CNTN3: variants seen among roughly 807,000 people sequenced by gnomAD.
CNTN3 encodes contactin-3.
A neutral mutation model predicts 119.1 loss-of-function variants in CNTN3; 60 were observed. The observed-to-expected ratio is 0.50, with a 90% CI of 0.41 to 0.62. CNTN3 has a LOEUF of 0.62. Among genes scored for constraint, CNTN3 ranks in the 20% least tolerant of loss-of-function variants. The pLI, the probability that CNTN3 is intolerant of heterozygous loss-of-function variation, is 0.00. For missense variants in CNTN3, 1,101 were observed against 1,242.4 expected (o/e 0.89, Z 1.71); for synonymous variants, 450 against 438.7 (o/e 1.03, Z -0.32).
chr3:74,448,046 A>G (rs1468317660), intron 4 of CNTN3, among the ~76,000 whole-genome samples: 1 of 152,168 alleles, frequency 6.6e-6, no homozygotes, highest in African/African-American at 2.4e-5. Flanking sequence ...AAGATTTTCC[A>G]GGTTAAAGCT....
At chr3:74,592,474 AACACAC>A (rs747459006) in intron 1 of CNTN3, among the ~76,000 whole-genome samples, 5 of 143,996 alleles carry the variant, frequency 3.5e-5, no homozygotes, top group African/African-American at 1.4e-4. Flanking sequence ...AACAGAATGA[AACACAC>A]ACACACACAC....
At chr3:74,465,303 A>G (rs1003767896) in intron 4 of CNTN3, among the ~76,000 whole-genome samples, 2 of 152,208 alleles carry the variant, frequency 1.3e-5, no homozygotes, top group Non-Finnish European at 2.9e-5. Context: ...TATCGTGCGG[A>G]CAGGTAGAAG....
At chr3:74,435,162 T>G (rs2106916977) in intron 4 of CNTN3, among the ~76,000 whole-genome samples, 1 of 152,302 alleles carries the variant, frequency 6.6e-6, no homozygotes, top group East Asian at 1.9e-4. Flanking sequence ...ATATTAATTT[T>G]ACTGGAACGA....
chr3:74,355,117 A>G (rs990764472), intron 11 of CNTN3, among the ~76,000 whole-genome samples: 5 of 152,036 alleles, frequency 3.3e-5, no homozygotes, highest in African/African-American at 1.2e-4. Flanking sequence ...AACTCAACCA[A>G]TCCCAAACTG....
At chr3:74,264,633 G>C in intron 22 of CNTN3, 132 bp from the exon 23 acceptor site, 1 of 502,016 alleles carries the variant, frequency 2.0e-6, no homozygotes, top group Non-Finnish European at 3.5e-6. Flanking sequence ...CAGAGTATTA[G>C]GAGGTGAGGG....
intron 1 of CNTN3, among the ~76,000 whole-genome samples, chr3:74,565,278 T>C (rs1259568550): frequency 6.6e-6 from 1 of 152,116 alleles, no homozygotes; most frequent in Non-Finnish European, 1.5e-5. Flanking sequence ...GGAAAATCTG[T>C]TTCCTTGTCT....
chr3:74,567,750 T>C (rs913044284), intron 1 of CNTN3, among the ~76,000 whole-genome samples: 1 of 152,106 alleles, frequency 6.6e-6, no homozygotes, highest in African/African-American at 2.4e-5. Context: ...ATGGAGGAGA[T>C]ACACAGTTAA....
intron 20 of CNTN3, among the ~76,000 whole-genome samples, chr3:74,283,727 T>A (rs185208085): frequency 2.8e-4 from 42 of 152,316 alleles, no homozygotes; most frequent in African/African-American, 8.2e-4. Context: ...AATATATAAA[T>A]AATGATGTAT....
intron 3 of CNTN3, among the ~76,000 whole-genome samples, chr3:74,492,955 T>C (rs1315773768): frequency 1.3e-5 from 2 of 152,140 alleles, no homozygotes; most frequent in East Asian, 1.9e-4. Context: ...CAGGGACTAA[T>C]AGAAGTTTCT....
At chr3:74,603,059 A>C (rs987879086) in intron 1 of CNTN3, among the ~76,000 whole-genome samples, 7 of 152,158 alleles carry the variant, frequency 4.6e-5, no homozygotes, top group Non-Finnish European at 1.0e-4. Context: ...TCCTTACTCC[A>C]GGGCTGGGAT....
intron 5 of CNTN3, among the ~76,000 whole-genome samples, chr3:74,406,406 C>A (rs538153246): frequency 2.6e-5 from 4 of 151,862 alleles, no homozygotes; most frequent in Non-Finnish European, 5.9e-5. Context: ...AATAAATAGA[C>A]CAAAATGAGG....
chr3:74,344,397 GT>G (rs1156579949), intron 11 of CNTN3, among the ~76,000 whole-genome samples: 1 of 32,568 alleles, frequency 3.1e-5, no homozygotes, highest in African/African-American at 8.5e-5. Flanking sequence ...TTACACAGTG[GT>G]TTTTTTTTTT....
chr3:74,339,660 C>T (rs942063911), intron 11 of CNTN3, among the ~76,000 whole-genome samples: 9 of 152,070 alleles, frequency 5.9e-5, no homozygotes, highest in Non-Finnish European at 1.0e-4. Flanking sequence ...AGCTCACTCA[C>T]CACTAAATTT....
intron 2 of CNTN3, among the ~76,000 whole-genome samples, chr3:74,511,537 G>A (rs1172287793): frequency 6.6e-6 from 1 of 151,976 alleles, no homozygotes; most frequent in Non-Finnish European, 1.5e-5. Flanking sequence ...CTGGCGTGGT[G>A]GTGTGCCTGT....
chr3:74,366,780 G>GTACATATATATATATATA (rs1704202507), intron 8 of CNTN3, among the ~76,000 whole-genome samples: 1 of 63,714 alleles, frequency 1.6e-5, no homozygotes, highest in East Asian at 5.5e-4. Context: ...GTGTGTGTGT[G>GTACATATATATATATATA]TATATATATA....
intron 4 of CNTN3, among the ~76,000 whole-genome samples, chr3:74,452,505 A>G (rs1702178644): frequency 6.8e-6 from 1 of 147,898 alleles, no homozygotes; most frequent in Non-Finnish European, 1.5e-5. Flanking sequence ...AATACCCTTT[A>G]TTTCCTTCTC....
chr3:74,272,519 G>T (rs968904732), intron 20 of CNTN3, among the ~76,000 whole-genome samples: 1 of 152,070 alleles, frequency 6.6e-6, no homozygotes, highest in Non-Finnish European at 1.5e-5. Flanking sequence ...CCCATAGATG[G>T]GGGAAAAAAA....
chr3:74,289,559 T>C (rs138480725), intron 19 of CNTN3, among the ~76,000 whole-genome samples: 13 of 152,294 alleles, frequency 8.5e-5, no homozygotes, highest in Admixed American at 3.3e-4. Context: ...GCTTTTTTTT[T>C]CTTCAGTACA....
intron 3 of CNTN3, among the ~76,000 whole-genome samples, chr3:74,496,496 T>C (rs1703066152): frequency 6.6e-6 from 1 of 152,046 alleles, no homozygotes; most frequent in African/African-American, 2.4e-5. Context: ...TTCAAAGTTG[T>C]TATTTGCCTG....
Sources: allele counts gnomAD v4.1 joint callset (sites outside exome capture counted in the v4.1 genomes callset), GRCh38; gene constraint gnomAD v4.1.1; transcripts MANE v1.5; gene names NCBI Gene and HGNC (gene_info 2026-07-23, HGNC 2026-07-21).